Variants in STPG2 observed in about 807,000 individuals in gnomAD.
The protein encoded by STPG2 is sperm-tail PG-rich repeat-containing protein 2.
In STPG2, 56 loss-of-function variants were observed where a neutral mutation model predicts 54.2. That is an observed-to-expected ratio of 1.03 (90% CI 0.83 to 1.29). The LOEUF (loss-of-function observed/expected upper bound fraction) is 1.29. Ranked by LOEUF, STPG2 falls within the 50% of genes most tolerant of loss-of-function variation. STPG2 has a pLI of 0.00. For synonymous variants in STPG2, 200 were observed against 181.8 expected (o/e 1.10, Z -0.81); for missense variants, 596 against 544.9 (o/e 1.09, Z -0.93).
At chr4:97,525,686 T>C (rs955834744) in intron 4 of STPG2, among the ~76,000 whole-genome samples, 2 of 151,988 alleles carry the variant, frequency 1.3e-5, no homozygotes, top group African/African-American at 2.4e-5. Flanking sequence ...GGAAAATCAG[T>C]TCATAGAAAT....
At chr4:97,941,185 T>C (rs1167408359) in intron 8 of STPG2, among the ~76,000 whole-genome samples, 2 of 152,096 alleles carry the variant, frequency 1.3e-5, no homozygotes, top group East Asian at 1.9e-4. Context: ...ACATAAGTTA[T>C]ATTTCTCATC....
At chr4:97,627,373 T>C (rs1284897555) in intron 10 of STPG2, among the ~76,000 whole-genome samples, 4 of 152,174 alleles carry the variant, frequency 2.6e-5, no homozygotes, top group African/African-American at 9.6e-5. Flanking sequence ...AATATTTATT[T>C]TAGTAAAGCA....
chr4:97,904,840 T>G (rs1187274104), intron 8 of STPG2, among the ~76,000 whole-genome samples: 2 of 152,126 alleles, frequency 1.3e-5, no homozygotes, highest in African/African-American at 2.4e-5. Context: ...TGCAATCAAC[T>G]GGAAGAAAGG....
chr4:97,495,710 CAAAA>C (rs35288994), intron 4 of STPG2, among the ~76,000 whole-genome samples: 1 of 117,794 alleles, frequency 8.5e-6, no homozygotes. Context: ...ATGGTCAAGA[CAAAA>C]AAAAAAAAAA....
In STPG2 at chr4:97,934,892, C is replaced by T. The variant is rs563987163; in HGVS notation, c.1044+9005G>A. On this transcript the variant is annotated intron_variant, in intron 8 of 10. Coordinates refer to ENST00000295268, the MANE Select transcript of STPG2 (RefSeq NM_174952.3). Reference sequence around the variant, plus strand: ...TCATAAAATTAGTTAAGGAGAAGCCCCACCTTTTCAGTTGTTTGGAATTGT... The same window carrying T: ...TCATAAAATTAGTTAAGGAGAAGCCTCACCTTTTCAGTTGTTTGGAATTGT... 2.6e-5 allele frequency among the ~76,000 whole-genome samples: 4 copies of T among 152,192 alleles called. No homozygotes were observed. The East Asian group carries it at 7.7e-4, about 29-fold the overall frequency.
At chr4:97,477,987 T>C (rs765895947) in intron 4 of STPG2, among the ~76,000 whole-genome samples, 2 of 152,170 alleles carry the variant, frequency 1.3e-5, no homozygotes, top group Non-Finnish European at 2.9e-5. Context: ...TTGTGAAGAA[T>C]AGGAAGTCTA....
At chr4:97,919,353 T>G in intron 8 of STPG2, among the ~76,000 whole-genome samples, 1 of 150,686 alleles carries the variant, frequency 6.6e-6, no homozygotes, top group Non-Finnish European at 1.5e-5. Flanking sequence ...AAATAGAAAT[T>G]AAATATATAA....
intron 10 of STPG2, among the ~76,000 whole-genome samples, chr4:97,670,073 T>TA (rs943796257): frequency 5.9e-5 from 9 of 151,888 alleles, no homozygotes; most frequent in Admixed American, 1.3e-4. Context: ...AAGTATAATT[T>TA]AAAAAAAACC....
intron 4 of STPG2, among the ~76,000 whole-genome samples, chr4:97,523,680 T>A (rs1450218010): frequency 2.6e-5 from 4 of 151,966 alleles, no homozygotes; most frequent in Admixed American, 6.6e-5. Flanking sequence ...AGAAAAATAT[T>A]CCTTAGCATC....
intron 4 of STPG2, among the ~76,000 whole-genome samples, chr4:97,537,078 C>A (rs1002451962): frequency 3.0e-4 from 46 of 152,248 alleles, no homozygotes; most frequent in Non-Finnish European, 5.0e-4. Context: ...TCCAAGATGG[C>A]CAAATAGGAA....
chr4:97,598,541 C>T (rs1733363862), intron 10 of STPG2, among the ~76,000 whole-genome samples: 1 of 148,064 alleles, frequency 6.8e-6, no homozygotes, highest in South Asian at 2.2e-4. Flanking sequence ...GTAGCCCAAA[C>T]AGCATGGTAC....
chr4:97,486,494 A>C (rs886852066), intron 4 of STPG2, among the ~76,000 whole-genome samples: 3 of 151,816 alleles, frequency 2.0e-5, no homozygotes, highest in African/African-American at 7.2e-5. Context: ...AAGAATGACC[A>C]TAATCAAAAA....
At chr4:98,044,128 A>G (rs1737044686) in intron 5 of STPG2, among the ~76,000 whole-genome samples, 1 of 152,096 alleles carries the variant, frequency 6.6e-6, no homozygotes, top group South Asian at 2.1e-4. Context: ...AATTTTACAT[A>G]TATTTGTTAT....
intron 2 of STPG2, 78 bp from the exon 3 acceptor site, chr4:98,128,670 A>G: frequency 8.9e-7 from 1 of 1,119,454 alleles, no homozygotes; most frequent in Non-Finnish European, 1.2e-6. Flanking sequence ...AAAAGTTACT[A>G]AAAGGCAACT....
intron 7 of STPG2, among the ~76,000 whole-genome samples, chr4:97,963,563 G>A (rs962215750): frequency 2.0e-5 from 3 of 152,056 alleles, no homozygotes; most frequent in African/African-American, 7.2e-5. Context: ...ACTGAAGCAG[G>A]AGGATCACTT....
At chr4:98,127,598 C>T (rs1739865623) in intron 3 of STPG2, among the ~76,000 whole-genome samples, 1 of 152,224 alleles carries the variant, frequency 6.6e-6, no homozygotes, top group Non-Finnish European at 1.5e-5. Flanking sequence ...ACTTCTTCTA[C>T]ATCTCATTAA....
At chr4:97,991,034 C>T (rs1415837291) in intron 5 of STPG2, among the ~76,000 whole-genome samples, 3 of 151,924 alleles carry the variant, frequency 2.0e-5, no homozygotes, top group Non-Finnish European at 4.4e-5. Flanking sequence ...GTACACTGTA[C>T]CCAAAGTGTA....
At chr4:97,527,493 T>C (rs749118693) in intron 4 of STPG2, among the ~76,000 whole-genome samples, 9 of 151,504 alleles carry the variant, frequency 5.9e-5, no homozygotes, top group Admixed American at 1.3e-4. Context: ...TAGAATGATA[T>C]ATCCTTTGAT....
intron 1 of STPG2, among the ~76,000 whole-genome samples, chr4:98,134,746 T>A (rs773260284): frequency 1.3e-4 from 19 of 151,468 alleles, no homozygotes; most frequent in Non-Finnish European, 2.7e-4. Context: ...TTGGTGGGGA[T>A]GAAAATGGCA....
Sources: allele counts gnomAD v4.1 joint callset (sites outside exome capture counted in the v4.1 genomes callset), GRCh38; gene constraint gnomAD v4.1.1; transcripts MANE v1.5; gene names NCBI Gene and HGNC (gene_info 2026-07-23, HGNC 2026-07-21).